Variants in LGR5 observed in about 807,000 individuals in gnomAD.
LGR5 encodes leucine rich repeat containing G protein-coupled receptor 5.
A neutral mutation model predicts 76.7 loss-of-function variants in LGR5; 54 were observed. The observed-to-expected ratio is 0.70, with a 90% CI of 0.57 to 0.88. LGR5 has a LOEUF of 0.88. LGR5 is among the 40% of genes least tolerant of loss of function. The pLI, the probability that LGR5 is intolerant of heterozygous loss-of-function variation, is 0.00. For missense variants in LGR5, 1,078 were observed against 1,073.3 expected, an observed-to-expected ratio of 1.00 and a Z score of -0.06; for synonymous variants, 406 against 421.9, an observed-to-expected ratio of 0.96 and a Z score of 0.46.
chr12:71,464,916 G>A (rs1447658403), intron 1 of LGR5, among the ~76,000 whole-genome samples: 5 of 152,132 alleles, frequency 3.3e-5, no homozygotes, highest in African/African-American at 1.2e-4. Flanking sequence ...AACCTGCAGA[G>A]AGATGGAGGA....
intron 5 of LGR5, among the ~76,000 whole-genome samples, chr12:71,556,087 A>G (rs1158861597): frequency 5.3e-5 from 8 of 152,288 alleles, no homozygotes; most frequent in African/African-American, 1.9e-4. Context: ...CAAATACTGA[A>G]TGTTCTCACT....
At chr12:71,446,301 A>G (rs996078691) in intron 1 of LGR5, among the ~76,000 whole-genome samples, 1 of 152,226 alleles carries the variant, frequency 6.6e-6, no homozygotes, top group African/African-American at 2.4e-5. Context: ...AAATGATGCA[A>G]TGAGTTGTTT....
At position 71,580,436 on chromosome 12, in the gene LGR5, A is replaced by C; in HGVS notation, c.1552+13A>C. 6.2e-7 allele frequency: 1 copy of C among 1,608,002 alleles called. No homozygotes were observed. The highest frequency in any genetic ancestry group is 1.7e-5 in the Admixed American group (1 of 58,890). ...TTTCAGGCTCAAGGTAGGACTTGCT[A>C]TGCCATGGTAATGAAATTGTGTTGT... On this transcript the variant is annotated intron_variant, in intron 16 of 17. Coordinates refer to ENST00000266674, the MANE Select transcript of LGR5 (RefSeq NM_003667.4).
Position 71,499,378 on chromosome 12 carries a change from A to G in LGR5, c.213-5236A>G, listed in dbSNP as rs554998687. ...CTTGGAAGAGATATGGGGGAGTGGT[A>G]ATTTGGAAATGGAGAGGATAATGCA... On this transcript the variant is annotated intron_variant, in intron 1 of 17. Coordinates refer to ENST00000266674, the MANE Select transcript of LGR5 (RefSeq NM_003667.4). 2.6e-5 allele frequency among the ~76,000 whole-genome samples: 4 copies of G among 152,246 alleles called. No individual in the cohort carries two copies. In the East Asian group the frequency reaches 7.7e-4, roughly 29 times the overall value.
intron 1 of LGR5, among the ~76,000 whole-genome samples, chr12:71,479,738 T>A (rs1412010360): frequency 4.6e-5 from 7 of 151,970 alleles, no homozygotes; most frequent in African/African-American, 1.7e-4. Context: ...GGGCAGAAGT[T>A]AATGTACAGA....
intron 4 of LGR5, among the ~76,000 whole-genome samples, chr12:71,543,168 C>G (rs1425309806): frequency 6.6e-6 from 1 of 152,120 alleles, no homozygotes; most frequent in Non-Finnish European, 1.5e-5. Flanking sequence ...ATAGGCTAGA[C>G]AGCCACTCAA....
chr12:71,502,154 T>C (rs1874635536), intron 1 of LGR5, among the ~76,000 whole-genome samples: 1 of 151,654 alleles, frequency 6.6e-6, no homozygotes, highest in Non-Finnish European at 1.5e-5. Context: ...GGTAGCACAG[T>C]AAAGTTATTA....
At chr12:71,564,598 C>T (rs1185357755) in intron 8 of LGR5, among the ~76,000 whole-genome samples, 20 of 145,898 alleles carry the variant, frequency 1.4e-4, no homozygotes, top group Admixed American at 5.6e-4. Flanking sequence ...TCTGTACACA[C>T]GCACCGTGTA....
At chr12:71,580,669 A>AT (rs1357359413) in intron 16 of LGR5, among the ~76,000 whole-genome samples, 1 of 152,118 alleles carries the variant, frequency 6.6e-6, no homozygotes, top group Non-Finnish European at 1.5e-5. Context: ...ATGGTGGCAC[A>AT]TGCCAGTAAT....
At chr12:71,497,328 A>G (rs1023008829) in intron 1 of LGR5, among the ~76,000 whole-genome samples, 1 of 151,456 alleles carries the variant, frequency 6.6e-6, no homozygotes, top group African/African-American at 2.4e-5. Flanking sequence ...GAAGAAAAGA[A>G]AGAAAGAGAG....
In LGR5 at chr12:71,582,476, T is replaced by C. The variant is rs1565781523; in HGVS notation, c.1573T>C (p.Phe525Leu). The change falls in exon 17 of 18, where the codon TTC becomes CTC. Residue 525 changes from phenylalanine (F) to leucine (L), a missense_variant. Transcript: ENST00000266674. ...TGCAGATGAACGTGACCTTGAAGATTTCCTGCTTGACTTTGAGGAAGACCT... is the reference window on the plus strand; with the variant it reads ...TGCAGATGAACGTGACCTTGAAGATCTCCTGCTTGACTTTGAGGAAGACCT... ...QAQDERDLEDFLLDFEEDLKA... is the reference protein window; with the variant it reads ...QAQDERDLEDLLLDFEEDLKA... 5 of 1,613,992 alleles carry C rather than the reference T, an allele frequency of 3.1e-6. No individual in the cohort carries two copies. Among genetic ancestry groups the C allele is most frequent in the African/African-American group, 1.3e-5 (1 of 74,926 alleles).
intron 3 of LGR5, among the ~76,000 whole-genome samples, chr12:71,534,863 C>G (rs1358005511): frequency 6.6e-6 from 1 of 152,158 alleles, no homozygotes; most frequent in East Asian, 1.9e-4. Flanking sequence ...AAATCTCACC[C>G]CCTGATACCA....
chr12:71,535,324 A>T (rs747671376), intron 4 of LGR5, 138 bp downstream of exon 4: 3 of 636,194 alleles, frequency 4.7e-6, no homozygotes, highest in Non-Finnish European at 8.4e-6. Flanking sequence ...CCATTAGAGT[A>T]ACAACTCTTC....
intron 16 of LGR5, 122 bp downstream of exon 16, chr12:71,580,545 CA>C: frequency 1.0e-6 from 1 of 1,001,120 alleles, no homozygotes; most frequent in Non-Finnish European, 1.5e-6. Flanking sequence ...CCTGTAATCC[CA>C]ACAGTTTGGG....
chr12:71,439,701 G>A (rs142929992), upstream of LGR5: 63 of 215,878 alleles, frequency 2.9e-4, no homozygotes, highest in Middle Eastern at 1.6e-3. Context: ...AGTGGGGCCG[G>A]GCGGGGGGTG....
intron 11 of LGR5, among the ~76,000 whole-genome samples, chr12:71,568,444 T>C (rs756501061): frequency 6.6e-6 from 1 of 152,224 alleles, no homozygotes; most frequent in Non-Finnish European, 1.5e-5. Flanking sequence ...CCTGGGACAC[T>C]GTAACTCTCA....
intron 4 of LGR5, among the ~76,000 whole-genome samples, chr12:71,547,167 C>T (rs926128323): frequency 1.2e-4 from 19 of 152,206 alleles, no homozygotes; most frequent in Non-Finnish European, 1.8e-4. Flanking sequence ...ATAAAAACTC[C>T]GTTCTTGCAC....
intron 1 of LGR5, among the ~76,000 whole-genome samples, chr12:71,485,216 G>C (rs1873775378): frequency 6.6e-6 from 1 of 152,096 alleles, no homozygotes; most frequent in South Asian, 2.1e-4. Context: ...TGTTTATAAT[G>C]TACTAGGTAT....
chr12:71,542,198 T>A (rs1660884247), intron 4 of LGR5, among the ~76,000 whole-genome samples: 1 of 152,174 alleles, frequency 6.6e-6, no homozygotes, highest in Non-Finnish European at 1.5e-5. Flanking sequence ...GTGAAAGGCA[T>A]CCTACTGCTA....
Sources: gnomAD v4.1 joint callset for allele counts (sites outside exome capture counted in the v4.1 genomes callset) on GRCh38, gnomAD v4.1.1 for gene constraint, MANE v1.5 for transcripts, NCBI Gene and HGNC (gene_info 2026-07-23, HGNC 2026-07-21) for gene names.